The following ITPR3 variants were observed in gnomAD, a reference collection of about 807,000 sequenced individuals.
The protein encoded by ITPR3 is inositol 1,4,5-trisphosphate-gated calcium channel ITPR3.
ITPR3 carries 173 observed loss-of-function variants against 293.2 expected under a neutral mutation model. That is an observed-to-expected ratio of 0.59 (90% CI 0.52 to 0.67). ITPR3 has a LOEUF of 0.67. ITPR3 is among the 30% of genes least tolerant of loss of function. The probability of loss-of-function intolerance (pLI) is 0.00; values close to 1 mark genes in which losing one functional copy is unlikely to be tolerated. For synonymous variants in ITPR3, 1,295 were observed against 1,444.4 expected (o/e 0.90, Z 2.35); for missense variants, 2,796 against 3,592.1 (o/e 0.78, Z 5.66).
rs1307137837 is a variant in ITPR3, at chr6:33,638,840, C to T, written c.90-1644C>T. Among the ~76,000 whole-genome samples, 2 of 152,134 alleles carry T rather than the reference C, an allele frequency of 1.3e-5. No homozygotes were observed. Among genetic ancestry groups the T allele is most frequent in the African/African-American group, 4.8e-5 (2 of 41,420 alleles). ...TGCCGGAACATGAAGGAGGGAGGCC[C>T]ACAGGGGCTGGCCAAGGAAGGCTTT... On this transcript the variant is annotated intron_variant, in intron 1 of 57. Transcript: ENST00000605930. This position sits in a 1 kb window ranked among gnomAD's most constrained non-coding sequence, Gnocchi z 4.3.
intron 2 of ITPR3, among the ~76,000 whole-genome samples, chr6:33,647,933 C>T (rs1007048255): frequency 3.9e-5 from 6 of 152,218 alleles, no homozygotes; most frequent in South Asian, 2.1e-4. Context: ...ACTTGCCCCC[C>T]GCTGCCGTTG....
intron 21 of ITPR3, 117 bp downstream of exon 21, chr6:33,671,423 CTG>C: frequency 1.4e-6 from 1 of 731,330 alleles, no homozygotes; most frequent in South Asian, 1.8e-5. Context: ...CAACCTGGCT[CTG>C]CCTCAAGGGG....
chr6:33,673,579 T>G lies in ITPR3; in HGVS notation c.2929-12T>G. On this transcript the variant is annotated splice_polypyrimidine_tract_variant and intron_variant, in intron 22 of 57. Transcript: ENST00000605930. ...CACCCCATCCTCACCTGACCTTTCCTCTCTTCTCCAGTTCATCCTCAATGT... is the reference window on the plus strand; with the variant it reads ...CACCCCATCCTCACCTGACCTTTCCGCTCTTCTCCAGTTCATCCTCAATGT... The G allele has an allele frequency of 6.2e-7, 1 of 1,613,922 alleles. No individual in the cohort carries two copies.
chr6:33,626,037 C>G (rs1171145793), intron 1 of ITPR3, among the ~76,000 whole-genome samples: 2 of 152,198 alleles, frequency 1.3e-5, no homozygotes, highest in African/African-American at 2.4e-5. Context: ...CAGGCTCAAG[C>G]AATCCTTACA....
At position 33,685,456 on chromosome 6, in the gene ITPR3, C is replaced by T. The variant is rs751240816; in HGVS notation, c.5405C>T (p.Ser1802Phe). The change falls in exon 40 of 58, where the codon TCC (serine) becomes TTC (phenylalanine). Residue 1802 changes from serine to phenylalanine, a missense_variant. Coordinates refer to ENST00000605930, the MANE Select transcript of ITPR3 (RefSeq NM_002224.4). ...AAGCGGGCCCAGCAGGAGACCAAGT[C>T]CACGGTGGCAGTCAACATGAATGAC... is the stretch of plus-strand genomic sequence containing the variant. ...RMKRAQQETK[S>F]TVAVNMNDLG... 1 of 1,614,044 alleles carries T rather than the reference C, an allele frequency of 6.2e-7. No homozygotes were observed. Among genetic ancestry groups the T allele is most frequent in the South Asian group, 1.1e-5 (1 of 91,070 alleles).
At chr6:33,685,258 G>A in intron 39 of ITPR3, 101 bp from the exon 40 acceptor site, 1 of 1,219,020 alleles carries the variant, frequency 8.2e-7, no homozygotes, top group Admixed American at 2.1e-5. Flanking sequence ...CCAGGCCCCT[G>A]CAGCCCCAGC....
At chr6:33,688,865 G>A in intron 49 of ITPR3, 84 bp downstream of exon 49, 2 of 1,565,590 alleles carry the variant, frequency 1.3e-6, no homozygotes, top group Non-Finnish European at 1.8e-6. Context: ...GAGGCCAGCT[G>A]GCCTCTGAGG....
intron 56 of ITPR3, 104 bp downstream of exon 56, chr6:33,693,809 C>A: frequency 1.5e-6 from 2 of 1,358,442 alleles, no homozygotes; most frequent in South Asian, 1.4e-5. Context: ...GTACCCTGGG[C>A]CCTGGAGAGG....
chr6:33,662,911 G>A lies in ITPR3; in HGVS notation c.859G>A (p.Val287Met). 1 of 1,590,260 alleles carries A rather than the reference G, an allele frequency of 6.3e-7. No individual in the cohort carries two copies. The highest frequency in any genetic ancestry group is 2.3e-5 in the East Asian group (1 of 43,940). The change falls in exon 9 of 58, where the codon GTG (valine) becomes ATG (methionine). Residue 287 changes from valine (V) to methionine (M), a missense_variant and splice_region_variant. By Grantham distance (21) the Val-to-Met change is conservative (BLOSUM62 1). This residue lies in a region of ITPR3 where 955 missense variants were observed against 1,180.8 expected (regional missense o/e 0.81). Coordinates refer to ENST00000605930, the MANE Select transcript of ITPR3 (RefSeq NM_002224.4). ...TSSNALWEVE[V>M]VHHDPCRGGA... ...CTGCCTCACACCTGTGTGCCCCTAG[G>A]TGGTCCACCACGACCCCTGCCGTGG...
At position 33,680,686 on chromosome 6, in the gene ITPR3, CT is replaced by C; in HGVS notation, c.4476+8del. The C allele has an allele frequency of 6.2e-7, 1 of 1,609,828 alleles. No homozygotes were observed. Among genetic ancestry groups the C allele is most frequent in the Non-Finnish European group, 8.5e-7 (1 of 1,176,466 alleles). On this transcript the variant is annotated splice_region_variant and intron_variant, in intron 33 of 57. Coordinates refer to ENST00000605930, the MANE Select transcript of ITPR3 (RefSeq NM_002224.4). ...AGAACAGCACTTCCCTGCAGGTGAGCTTCTCCTCTCCCACCACCCCAGGGCC... is the reference window on the plus strand; with the variant it reads ...AGAACAGCACTTCCCTGCAGGTGAGCTCTCCTCTCCCACCACCCCAGGGCC...
chr6:33,668,673 C>G (rs1471896473), intron 17 of ITPR3, 39 bp downstream of exon 17: 1 of 1,613,306 alleles, frequency 6.2e-7, no homozygotes, highest in Non-Finnish European at 8.5e-7. Flanking sequence ...GGGCTCCACG[C>G]TGCTGACCCC....
chr6:33,651,166 A>G (rs993268887), intron 2 of ITPR3, among the ~76,000 whole-genome samples: 3 of 151,270 alleles, frequency 2.0e-5, no homozygotes, highest in Non-Finnish European at 2.9e-5. Context: ...AATCCCAGCT[A>G]CTCAGGAGGC....
intron 21 of ITPR3, 95 bp from the exon 22 acceptor site, chr6:33,671,934 G>T: frequency 1.6e-6 from 2 of 1,216,022 alleles, no homozygotes; most frequent in Non-Finnish European, 2.3e-6. Context: ...GACATAAACA[G>T]ATTATGCATC....
intron 2 of ITPR3, among the ~76,000 whole-genome samples, chr6:33,651,466 A>G (rs556320556): frequency 8.1e-4 from 123 of 152,042 alleles, no homozygotes; most frequent in Non-Finnish European, 1.6e-3. Context: ...AGCTCCTGAC[A>G]TGAGCTGTTC....
chr6:33,667,180 C>G lies in ITPR3; in HGVS notation c.1603C>G (p.Leu535Val). 6.2e-7 allele frequency: 1 copy of G among 1,614,180 alleles called. No homozygotes were observed. Among genetic ancestry groups the G allele is most frequent in the Middle Eastern group, 1.7e-4 (1 of 6,060 alleles). Residue 535 changes from leucine to valine, a missense_variant, in exon 15 of 58, where the codon CTG becomes GTG. This residue lies in a region of ITPR3 where 955 missense variants were observed against 1,180.8 expected (regional missense o/e 0.81). Transcript: ENST00000605930. This position sits in a 1 kb window ranked among gnomAD's most constrained non-coding sequence, Gnocchi z 4.4. ...CCGTGAGAAGGGGGGTGAAGGTCCC[C>G]TGGTGCGGCTGGAGGAGCTGTCAGA... ...PFREKGGEGP[L>V]VRLEELSDQK...
At chr6:33,674,086 G>C in intron 23 of ITPR3, 122 bp from the exon 24 acceptor site, 1 of 1,228,608 alleles carries the variant, frequency 8.1e-7, no homozygotes, top group Non-Finnish European at 1.2e-6. Context: ...CCCAGAAAGG[G>C]GCAGGCAGAG....
Position 33,675,602 on chromosome 6 carries a change from A to G in ITPR3, c.3117-89A>G. The G allele has an allele frequency of 7.1e-7, 1 of 1,405,634 alleles. No homozygotes were observed. The highest frequency in any genetic ancestry group is 9.6e-7 in the Non-Finnish European group (1 of 1,046,080). The allele number at this position is 1,405,634 out of a possible 1,614,324, so 87.1% of individuals were successfully genotyped here. On this transcript the variant is annotated intron_variant, in intron 24 of 57. Transcript: ENST00000605930. This position sits in a 1 kb window ranked among gnomAD's most constrained non-coding sequence, Gnocchi z 5.0. Reference sequence around the variant, plus strand: ...TGCATCTGCTAATTGGGTGGCGGAGAGTGTGCTTGTGCCAGGGCCCCTTAC... The same window carrying G: ...TGCATCTGCTAATTGGGTGGCGGAGGGTGTGCTTGTGCCAGGGCCCCTTAC...
intron 2 of ITPR3, among the ~76,000 whole-genome samples, chr6:33,647,710 C>T (rs114056661): frequency 9.1e-4 from 138 of 152,328 alleles, no homozygotes; most frequent in African/African-American, 3.2e-3. Flanking sequence ...GGTTACATAG[C>T]ATTCCACACA....
Position 33,667,109 on chromosome 6 carries a change from C to A in ITPR3, c.1552-20C>A. On this transcript the variant is annotated intron_variant, in intron 14 of 57. Coordinates refer to ENST00000605930, the MANE Select transcript of ITPR3 (RefSeq NM_002224.4). The surrounding 1 kb of genome is among the most constrained non-coding windows in gnomAD (Gnocchi z 4.4). ...AGACAGGTGTTGGGGAATCAGTCCT[C>A]ACCCTCTGTATTCCCCCAGGTCTTT... The A allele has an allele frequency of 6.2e-7, 1 of 1,611,670 alleles. No homozygotes were observed. Among genetic ancestry groups the A allele is most frequent in the South Asian group, 1.1e-5 (1 of 90,744 alleles).
Sources: allele counts gnomAD v4.1 joint callset (sites outside exome capture counted in the v4.1 genomes callset), GRCh38; gene constraint gnomAD v4.1.1; regional missense constraint gnomAD v4.1.1; non-coding constraint Gnocchi (gnomAD v3.1); transcripts MANE v1.5; gene names NCBI Gene and HGNC (gene_info 2026-07-23, HGNC 2026-07-21).